Variants in POLR3G observed in about 807,000 individuals in gnomAD.
POLR3G encodes DNA-directed RNA polymerase III subunit RPC7.
In POLR3G, 28 loss-of-function variants were observed where a neutral mutation model predicts 30.1. That is an observed-to-expected ratio of 0.93 (90% CI 0.69 to 1.27). POLR3G has a LOEUF of 1.27. Among genes scored for constraint, POLR3G ranks in the 50% most tolerant of loss-of-function variants. POLR3G has a pLI of 0.00. For synonymous variants in POLR3G, 79 were observed against 82.5 expected, an observed-to-expected ratio of 0.96 and a Z score of 0.23; for missense variants, 254 against 264.6, an observed-to-expected ratio of 0.96 and a Z score of 0.28.
chr5:90,487,313 T>G (rs1190851051), intron 2 of POLR3G, among the ~76,000 whole-genome samples: 1 of 148,538 alleles, frequency 6.7e-6, no homozygotes, highest in Non-Finnish European at 1.5e-5. Context: ...CTGAGGTTAA[T>G]AAGAACCTAA....
At chr5:90,474,323 G>A (rs1218178654), upstream of POLR3G, 1 of 1,598,444 alleles carries the variant, frequency 6.3e-7, no homozygotes, top group South Asian at 1.1e-5. Context: ...GGCGGGGTGA[G>A]TGTGGGCGTG....
At chr5:90,501,810 C>A in intron 5 of POLR3G, 96 bp from the exon 6 acceptor site, 2 of 1,372,122 alleles carry the variant, frequency 1.5e-6, no homozygotes, top group Non-Finnish European at 2.0e-6. Flanking sequence ...GCCTAGGATG[C>A]AGTAGCACGA....
chr5:90,496,479 G>A (rs1201613934), intron 4 of POLR3G, among the ~76,000 whole-genome samples: 2 of 152,184 alleles, frequency 1.3e-5, no homozygotes, highest in African/African-American at 4.8e-5. Flanking sequence ...CTTTTAAGCA[G>A]ACATAGACTA....
chr5:90,475,318 A>AT (rs1561243794), intron 1 of POLR3G, among the ~76,000 whole-genome samples: 2 of 152,142 alleles, frequency 1.3e-5, no homozygotes, highest in Non-Finnish European at 1.5e-5. Context: ...TGGCTTTATG[A>AT]TTTTTTAGGC....
intron 6 of POLR3G, 108 bp downstream of exon 6, chr5:90,502,096 A>C (rs1436549270): frequency 1.3e-6 from 2 of 1,483,846 alleles, no homozygotes; most frequent in Non-Finnish European, 1.8e-6. Flanking sequence ...TAATAATGTA[A>C]ATTTGGCAGA....
chr5:90,487,950 T>C, intron 2 of POLR3G, 50 bp from the exon 3 acceptor site: 1 of 1,439,668 alleles, frequency 6.9e-7, no homozygotes, highest in Non-Finnish European at 9.3e-7. Context: ...AAAGGGATAT[T>C]AAAATACATA....
Position 90,513,537 on chromosome 5 carries a change from T to A in POLR3G, c.*1398T>A, listed in dbSNP as rs1752830469. ...ACTGAAAGCACAATTTTAAGAAACA[T>A]GTTTTCCTCACAAAATATATTGTAA... On this transcript the variant is annotated 3_prime_UTR_variant, in exon 8 of 8. Transcript: ENST00000651687. 6.6e-6 allele frequency: 1 copy of A among 152,586 alleles called. No homozygotes were observed. The highest frequency in any genetic ancestry group is 2.1e-4 in the South Asian group (1 of 4,834). The allele number at this position is 152,586 out of a possible 1,614,324, so 9.5% of individuals were successfully genotyped here.
At chr5:90,474,429 T>C, upstream of POLR3G, 1 of 774,944 alleles carries the variant, frequency 1.3e-6, no homozygotes, top group Non-Finnish European at 2.1e-6. Flanking sequence ...GGCGGGGGCG[T>C]GGGATGCGGG....
chr5:90,481,343 AT>A (rs1751114680), intron 1 of POLR3G, among the ~76,000 whole-genome samples: 1 of 151,960 alleles, frequency 6.6e-6, no homozygotes, highest in Non-Finnish European at 1.5e-5. Flanking sequence ...AAAAAAAAAA[AT>A]CAAACCCAAA....
At chr5:90,477,289 G>A (rs142215002) in intron 1 of POLR3G, among the ~76,000 whole-genome samples, 82 of 152,316 alleles carry the variant, frequency 5.4e-4, no homozygotes, top group Non-Finnish European at 1.0e-3. Flanking sequence ...TGGCCACAGC[G>A]TGGGGTGCCT....
At chr5:90,511,515 T>C (rs1321437603) in intron 7 of POLR3G, among the ~76,000 whole-genome samples, 1 of 152,156 alleles carries the variant, frequency 6.6e-6, no homozygotes, top group Non-Finnish European at 1.5e-5. Flanking sequence ...TCTGAGTTAT[T>C]TGCATGGATG....
intron 3 of POLR3G, among the ~76,000 whole-genome samples, chr5:90,488,463 T>C (rs1223631053): frequency 1.3e-5 from 2 of 152,114 alleles, no homozygotes; most frequent in Non-Finnish European, 2.9e-5. Flanking sequence ...TATGCATGTA[T>C]ATTCTCTTTA....
intron 1 of POLR3G, among the ~76,000 whole-genome samples, chr5:90,475,788 T>C (rs1750779297): frequency 6.6e-6 from 1 of 152,184 alleles, no homozygotes; most frequent in Admixed American, 6.5e-5. Context: ...CTCGTCTCAC[T>C]GCATCCTCCG....
chr5:90,484,912 G>A (rs898021714), intron 1 of POLR3G, among the ~76,000 whole-genome samples: 2 of 152,122 alleles, frequency 1.3e-5, no homozygotes, highest in African/African-American at 4.8e-5. Flanking sequence ...GGATTCAAAC[G>A]TTCAATACAA....
Position 90,497,637 on chromosome 5 carries a change from T to G in POLR3G, c.305-19T>G. On this transcript the variant is annotated intron_variant, in intron 4 of 7. Coordinates refer to ENST00000651687, the MANE Select transcript of POLR3G (RefSeq NM_006467.3). ...TCCTAGAGGAAACTGCAATTTTTTA[T>G]TTTTTATTTTATGTACAGATTGGAG... The G allele has an allele frequency of 6.3e-7, 1 of 1,576,634 alleles. No individual in the cohort carries two copies. The highest frequency in any genetic ancestry group is 1.2e-5 in the South Asian group (1 of 83,328).
rs777303177 is a variant in POLR3G, at chr5:90,485,566, T to A, written c.-2T>A. On this transcript the variant is annotated 5_prime_UTR_variant, in exon 2 of 8. Transcript: ENST00000651687. ...CCCACTCATCTGGTATAACTGGTTC[T>A]GATGGCTGGGAATAAAGGAAGAGGA... 3.1e-5 allele frequency: 50 copies of A among 1,608,948 alleles called. No individual in the cohort carries two copies. The Admixed American group carries it at 7.9e-4, about 25-fold the overall frequency.
intron 2 of POLR3G, among the ~76,000 whole-genome samples, chr5:90,486,297 G>A (rs775076427): frequency 5.9e-5 from 9 of 152,118 alleles, no homozygotes; most frequent in African/African-American, 9.7e-5. Flanking sequence ...GATATTCAGC[G>A]CAGCATAAAA....
chr5:90,498,200 A>G (rs986849700), intron 5 of POLR3G, among the ~76,000 whole-genome samples: 6 of 151,694 alleles, frequency 4.0e-5, no homozygotes, highest in Non-Finnish European at 8.8e-5. Context: ...ATTTTGCTAA[A>G]GCTTGTTTTT....
chr5:90,474,285 G>C, upstream of POLR3G: 1 of 1,613,072 alleles, frequency 6.2e-7, no homozygotes, highest in Non-Finnish European at 8.5e-7. Context: ...CCACTCGAGC[G>C]CCGACATGCT....
Sources: allele counts gnomAD v4.1 joint callset (sites outside exome capture counted in the v4.1 genomes callset), GRCh38; gene constraint gnomAD v4.1.1; transcripts MANE v1.5; gene names NCBI Gene and HGNC (gene_info 2026-07-23, HGNC 2026-07-21).